BRD10: variants seen among roughly 807,000 people sequenced by gnomAD.
BRD10 encodes the protein uncharacterized bromodomain-containing protein 10.
At chr9:5,892,419 A>G in the BRD10 span, 2 of 1,547,604 alleles carry the variant, frequency 1.3e-6, no homozygotes, top group Non-Finnish European at 8.8e-7. Context: ...CTTTGGATGC[A>G]TTAATGATGC....
At chr9:5,981,548 ACTATCTAT>A in the BRD10 span, among the ~76,000 whole-genome samples, 58 of 152,206 alleles carry the variant, frequency 3.8e-4, no homozygotes, top group African/African-American at 1.3e-3. Context: ...AGAGACCTGG[ACTATCTAT>A]CTATCTATCT....
the BRD10 span, chr9:6,007,941 C>G: frequency 7.5e-7 from 1 of 1,328,724 alleles, no homozygotes; most frequent in Non-Finnish European, 9.6e-7. Flanking sequence ...GCTCGGTGCG[C>G]GCGGGGGTCT....
At chr9:5,905,729 C>T in the BRD10 span, among the ~76,000 whole-genome samples, 2 of 152,218 alleles carry the variant, frequency 1.3e-5, no homozygotes, top group Admixed American at 1.3e-4. Context: ...CCTTTTCAGG[C>T]TGACCCAATG....
chr9:5,920,559 G>A, the BRD10 span: 1 of 1,614,006 alleles, frequency 6.2e-7, no homozygotes, highest in South Asian at 1.1e-5. Context: ...CTTGTTGAAA[G>A]GGACGACAAT....
chr9:5,921,429 C>G, the BRD10 span: 1 of 1,613,882 alleles, frequency 6.2e-7, no homozygotes, highest in Non-Finnish European at 8.5e-7. Context: ...GATTCTGCAA[C>G]AAGAGTTGGG....
At chr9:5,926,344 G>C in the BRD10 span, among the ~76,000 whole-genome samples, 3 of 151,898 alleles carry the variant, frequency 2.0e-5, no homozygotes, top group African/African-American at 7.3e-5. Context: ...GTCTCGCTTT[G>C]TCGCCAGGCT....
At chr9:5,951,548 A>G in the BRD10 span, among the ~76,000 whole-genome samples, 117 of 152,302 alleles carry the variant, frequency 7.7e-4, no homozygotes, top group African/African-American at 2.8e-3. Flanking sequence ...TTTATGTTTA[A>G]TGCTAGAAAT....
At chr9:5,957,544 G>T in the BRD10 span, among the ~76,000 whole-genome samples, 1 of 152,070 alleles carries the variant, frequency 6.6e-6, no homozygotes, top group South Asian at 2.1e-4. Flanking sequence ...TATGCACTAG[G>T]AGCATACATG....
the BRD10 span, among the ~76,000 whole-genome samples, chr9:5,996,495 G>A: frequency 6.6e-6 from 1 of 152,032 alleles, no homozygotes; most frequent in Non-Finnish European, 1.5e-5. Context: ...ATTTTTGTAT[G>A]TTTAGTAGAG....
the BRD10 span, chr9:5,921,447 T>G: frequency 6.2e-7 from 1 of 1,613,984 alleles, no homozygotes. Context: ...GGGGTTGATG[T>G]ACCACTAGGA....
At chr9:5,922,961 T>G in the BRD10 span, 1 of 1,614,038 alleles carries the variant, frequency 6.2e-7, no homozygotes, top group Non-Finnish European at 8.5e-7. Context: ...CCCAATATTC[T>G]TTGCAAGCAA....
At chr9:5,935,211 C>G in the BRD10 span, among the ~76,000 whole-genome samples, 1 of 152,138 alleles carries the variant, frequency 6.6e-6, no homozygotes, top group African/African-American at 2.4e-5. Context: ...TTACTTAAGA[C>G]TAGGAGAAAA....
the BRD10 span, chr9:5,921,456 G>C: frequency 6.2e-7 from 1 of 1,613,898 alleles, no homozygotes; most frequent in Non-Finnish European, 8.5e-7. Context: ...GTACCACTAG[G>C]AACTGGGGCA....
chr9:5,892,439 C>T, the BRD10 span: 1 of 1,592,562 alleles, frequency 6.3e-7, no homozygotes, highest in Non-Finnish European at 8.6e-7. Flanking sequence ...CCCACATGCT[C>T]CTTCTGTTAG....
At chr9:5,935,318 A>G in the BRD10 span, among the ~76,000 whole-genome samples, 1 of 152,212 alleles carries the variant, frequency 6.6e-6, no homozygotes, top group Non-Finnish European at 1.5e-5. Flanking sequence ...TTAAATAGAA[A>G]GCATGAAGGC....
chr9:5,952,121 A>G, the BRD10 span, among the ~76,000 whole-genome samples: 1 of 151,914 alleles, frequency 6.6e-6, no homozygotes, highest in Non-Finnish European at 1.5e-5. Context: ...CCCAGATTCA[A>G]GTGATTCTCC....
the BRD10 span, among the ~76,000 whole-genome samples, chr9:5,905,880 A>G: frequency 6.6e-6 from 1 of 152,222 alleles, no homozygotes; most frequent in African/African-American, 2.4e-5. Flanking sequence ...ATGGTCATTC[A>G]TATCGGCACA....
the BRD10 span, among the ~76,000 whole-genome samples, chr9:5,879,135 A>G: frequency 6.6e-6 from 1 of 152,222 alleles, no homozygotes; most frequent in African/African-American, 2.4e-5. Flanking sequence ...GCTAAACATC[A>G]GAGGGACTTC....
chr9:5,923,262 G>T, the BRD10 span: 1 of 1,613,220 alleles, frequency 6.2e-7, no homozygotes, highest in South Asian at 1.1e-5. Context: ...TTTTTCAACA[G>T]CTTGCTTCTA....
Sources: allele counts gnomAD v4.1 joint callset (sites outside exome capture counted in the v4.1 genomes callset), GRCh38; gene constraint gnomAD v4.1.1; transcripts MANE v1.5; gene names NCBI Gene and HGNC (gene_info 2026-07-23, HGNC 2026-07-21).